TSC22D1: variants seen among roughly 807,000 people sequenced by gnomAD.
TSC22D1 encodes TSC22 domain family member 1, also known as TSC22 domain family protein 1.
A neutral mutation model predicts 74.2 loss-of-function variants in TSC22D1; 9 were observed. The ratio of observed to expected loss-of-function variants is 0.12; its 90% confidence interval spans 0.07 to 0.21. The LOEUF is 0.21. Among genes scored for constraint, TSC22D1 ranks in the 10% least tolerant of loss-of-function variants. The probability of loss-of-function intolerance (pLI) is 1.00; values close to 1 mark genes in which losing one functional copy is unlikely to be tolerated. For synonymous variants in TSC22D1, 586 were observed against 492.5 expected (o/e 1.19, Z -2.51); for missense variants, 1,427 against 1,304.7 (o/e 1.09, Z -1.44).
chr13:44,470,502 T>C (rs1464169098), intron 1 of TSC22D1, among the ~76,000 whole-genome samples: 1 of 152,236 alleles, frequency 6.6e-6, no homozygotes, highest in African/African-American at 2.4e-5. Context: ...AATATTTTTA[T>C]AGGAAAGATT....
intron 1 of TSC22D1, among the ~76,000 whole-genome samples, chr13:44,453,234 T>C (rs1338366610): frequency 6.6e-6 from 1 of 152,208 alleles, no homozygotes; most frequent in Non-Finnish European, 1.5e-5. Context: ...CATAAGGATT[T>C]TGTTTCAATG....
intron 1 of TSC22D1, among the ~76,000 whole-genome samples, chr13:44,481,366 AGGGGTGG>A: frequency 6.6e-6 from 1 of 152,180 alleles, no homozygotes; most frequent in African/African-American, 2.4e-5. Flanking sequence ...GTAACTGGTG[AGGGGTGG>A]GTGGTTCTGG....
chr13:44,471,411 C>T (rs191215236), intron 1 of TSC22D1, among the ~76,000 whole-genome samples: 158 of 152,258 alleles, frequency 1.0e-3, no homozygotes, highest in African/African-American at 3.6e-3. Context: ...TAAACTCTTA[C>T]CATCACACTT....
chr13:44,495,296 A>G lies in TSC22D1; in HGVS notation c.2913-59201T>C, dbSNP rs550913587. On this transcript the variant is annotated intron_variant, in intron 1 of 2. Coordinates refer to ENST00000458659, the MANE Select transcript of TSC22D1 (RefSeq NM_183422.4). ...GGGTGACATATTTAAAATGCTAAGG[A>G]AAAAAAAAAAAAAAACAGTCTAACG... is the stretch of plus-strand genomic sequence containing the variant. 1.8e-3 allele frequency among the ~76,000 whole-genome samples: 189 copies of G among 105,114 alleles called. 1 individual carries two copies. The highest frequency in any genetic ancestry group is 5.9e-3 in the African/African-American group (175 of 29,908). The allele number at this position is 105,114 out of a possible 152,430, so 69.0% of individuals were successfully genotyped here. A position where few individuals can be genotyped will look rare whatever the true frequency, so the allele number is the denominator to read the frequency against.
intron 1 of TSC22D1, among the ~76,000 whole-genome samples, chr13:44,473,940 C>T (rs1877753498): frequency 6.6e-6 from 1 of 152,198 alleles, no homozygotes; most frequent in African/African-American, 2.4e-5. Flanking sequence ...GTTTAAAGAT[C>T]TTAAGCTAAA....
chr13:44,483,667 CAAA>C (rs36015133), intron 1 of TSC22D1, among the ~76,000 whole-genome samples: 6 of 64,068 alleles, frequency 9.4e-5, no homozygotes, highest in Non-Finnish European at 3.2e-5. Context: ...GACTCCGTCT[CAAA>C]AAAAAAAAAA....
At chr13:44,534,700 G>A (rs1881047748) in intron 1 of TSC22D1, among the ~76,000 whole-genome samples, 1 of 152,002 alleles carries the variant, frequency 6.6e-6, no homozygotes, top group Non-Finnish European at 1.5e-5. Context: ...CAAGACTTCC[G>A]AGTTACAGTG....
At chr13:44,449,314 G>A (rs922992464) in intron 1 of TSC22D1, among the ~76,000 whole-genome samples, 6 of 152,186 alleles carry the variant, frequency 3.9e-5, no homozygotes, top group African/African-American at 1.4e-4. Flanking sequence ...ACTTGCTGAC[G>A]GACACATTAC....
At chr13:44,530,056 G>A (rs1287396226) in intron 1 of TSC22D1, among the ~76,000 whole-genome samples, 1 of 152,014 alleles carries the variant, frequency 6.6e-6, no homozygotes, top group Non-Finnish European at 1.5e-5. Context: ...GTGGATACAG[G>A]CAAACTGATT....
At chr13:44,569,843 C>T (rs1883635989) in intron 1 of TSC22D1, among the ~76,000 whole-genome samples, 1 of 151,974 alleles carries the variant, frequency 6.6e-6, no homozygotes, top group Admixed American at 6.6e-5. Context: ...AAAAAAAAAT[C>T]AGGAGAAATG....
Position 44,494,375 on chromosome 13 carries a change from C to CAAAAAAAAAAAAAAAA in TSC22D1, c.2913-58296_2913-58281dup, listed in dbSNP as rs57468850. Among the ~76,000 whole-genome samples the CAAAAAAAAAAAAAAAA allele has an allele frequency of 1.9e-4, 5 of 26,474 alleles. 1 individual carries two copies. The highest frequency in any genetic ancestry group is 7.0e-4 in the African/African-American group (4 of 5,708). 17.4% of individuals were successfully genotyped at this position (26,474 alleles called of 152,430 possible). On this transcript the variant is annotated intron_variant, in intron 1 of 2. Transcript: ENST00000458659. ...TGGGTGACAGACCAAGACTCCGTATCAAAAAAAAAAAAAAAAAAAAAAAAA... is the reference window on the plus strand; with the variant it reads ...TGGGTGACAGACCAAGACTCCGTATCAAAAAAAAAAAAAAAAAAAAAAAAAAAAAAAAAAAAAAAAA...
In TSC22D1 at chr13:44,437,963, T is replaced by A. The variant is rs1219411345; in HGVS notation, c.2913-1868A>T. On this transcript the variant is annotated intron_variant, in intron 1 of 2. Coordinates refer to ENST00000458659, the MANE Select transcript of TSC22D1 (RefSeq NM_183422.4). ...CCACACTGACCAAATAATTCCCTTCTCCAAACCAAAATCGAGAGATGTGGG... is the reference window on the plus strand; with the variant it reads ...CCACACTGACCAAATAATTCCCTTCACCAAACCAAAATCGAGAGATGTGGG... Among the ~76,000 whole-genome samples the A allele has an allele frequency of 2.6e-5, 4 of 152,264 alleles. No homozygotes were observed. In the East Asian group the frequency reaches 7.7e-4, roughly 29 times the overall value.
At chr13:44,436,727 G>C in intron 1 of TSC22D1, 1 of 1,499,412 alleles carries the variant, frequency 6.7e-7, no homozygotes, top group Non-Finnish European at 8.9e-7. Context: ...AGCCCAGGGA[G>C]AAACAGAAAA....
At chr13:44,444,474 A>G (rs1021345104) in intron 1 of TSC22D1, among the ~76,000 whole-genome samples, 6 of 151,974 alleles carry the variant, frequency 3.9e-5, no homozygotes, top group African/African-American at 1.4e-4. Flanking sequence ...AATAGGTACA[A>G]TAAGAATATG....
At chr13:44,444,303 AAAAAAGAAAAGAAAAG>A (rs1303566096) in intron 1 of TSC22D1, among the ~76,000 whole-genome samples, 6 of 142,538 alleles carry the variant, frequency 4.2e-5, no homozygotes, top group Non-Finnish European at 7.7e-5. Context: ...AAAAAAAAAA[AAAAAAGAAAAGAAAAG>A]AAAAAGAAAA....
chr13:44,568,523 G>A (rs965185423), intron 1 of TSC22D1, among the ~76,000 whole-genome samples: 1 of 152,152 alleles, frequency 6.6e-6, no homozygotes, highest in African/African-American at 2.4e-5. Flanking sequence ...ATATAGTAGA[G>A]ACAGGATCTT....
At chr13:44,491,225 A>C (rs974611742) in intron 1 of TSC22D1, among the ~76,000 whole-genome samples, 8 of 152,062 alleles carry the variant, frequency 5.3e-5, no homozygotes, top group African/African-American at 1.9e-4. Flanking sequence ...ACCACAAATG[A>C]GGCAATAATG....
At chr13:44,571,565 C>G (rs1057461177) in intron 1 of TSC22D1, among the ~76,000 whole-genome samples, 14 of 152,272 alleles carry the variant, frequency 9.2e-5, no homozygotes, top group Non-Finnish European at 1.5e-4. Flanking sequence ...TTTTGTTTCT[C>G]TAAACTTAGC....
Position 44,515,077 on chromosome 13 carries a change from T to C in TSC22D1, c.2912+58086A>G, listed in dbSNP as rs989835299. On this transcript the variant is annotated intron_variant, in intron 1 of 2. Transcript: ENST00000458659. ...ACTCCTATAGAGGGCAATTTGACAATAGTCATCAAAATTATAAAATCATAC... is the reference window on the plus strand; with the variant it reads ...ACTCCTATAGAGGGCAATTTGACAACAGTCATCAAAATTATAAAATCATAC... 5.9e-5 allele frequency among the ~76,000 whole-genome samples: 9 copies of C among 152,266 alleles called. No individual in the cohort carries two copies. In the East Asian group the frequency reaches 7.7e-4, roughly 13 times the overall value.
Sources: gnomAD v4.1 joint callset for allele counts (sites outside exome capture counted in the v4.1 genomes callset) on GRCh38, gnomAD v4.1.1 for gene constraint, MANE v1.5 for transcripts, NCBI Gene and HGNC (gene_info 2026-07-23, HGNC 2026-07-21) for gene names.